SORCS3: variants seen among roughly 807,000 people sequenced by gnomAD.
SORCS3 encodes VPS10 domain-containing receptor SorCS3.
In SORCS3, 57 loss-of-function variants were observed where a neutral mutation model predicts 146.3. The observed-to-expected ratio is 0.39, with a 90% CI of 0.31 to 0.49. The LOEUF is 0.49. Ranked by LOEUF, SORCS3 falls within the 20% of genes least tolerant of loss-of-function variation. SORCS3 has a pLI of 0.92. For synonymous variants in SORCS3, 653 were observed against 618.5 expected (o/e 1.06, Z -0.83); for missense variants, 1,341 against 1,575.5 (o/e 0.85, Z 2.52).
At chr10:105,105,318 A>G in intron 6 of SORCS3, 79 bp from the exon 7 acceptor site, 1 of 804,322 alleles carries the variant, frequency 1.2e-6, no homozygotes, top group Non-Finnish European at 2.1e-6. Context: ...TCCCCCATGA[A>G]GTAGAGTTTT....
At chr10:104,713,181 A>C (rs2016438855) in intron 1 of SORCS3, among the ~76,000 whole-genome samples, 1 of 151,768 alleles carries the variant, frequency 6.6e-6, no homozygotes. Context: ...TATAAAATGA[A>C]ACTTCAAAGT....
At chr10:104,896,518 G>A (rs1332983085) in intron 2 of SORCS3, among the ~76,000 whole-genome samples, 1 of 152,250 alleles carries the variant, frequency 6.6e-6, no homozygotes, top group Non-Finnish European at 1.5e-5. Context: ...GAAAAGCGGA[G>A]TGTTGGTGCT....
At position 105,216,803 on chromosome 10, in the gene SORCS3, T is replaced by A. The variant is rs2056667774; in HGVS notation, c.2548-133T>A. Reference sequence around the variant, plus strand: ...GGATCAGATAGGAGTGTGATCATTGTGTTGCAGGTGTTTCAGCCCTTTGGG... The same window carrying A: ...GGATCAGATAGGAGTGTGATCATTGAGTTGCAGGTGTTTCAGCCCTTTGGG... On this transcript the variant is annotated intron_variant, in intron 18 of 26. Coordinates refer to ENST00000369701, the MANE Select transcript of SORCS3 (RefSeq NM_014978.3). 3 of 775,176 alleles carry A rather than the reference T, an allele frequency of 3.9e-6. No individual in the cohort carries two copies. The Admixed American group carries it at 6.5e-5, about 17-fold the overall frequency. The allele number at this position is 775,176 out of a possible 1,614,324, so 48.0% of individuals were successfully genotyped here.
intron 4 of SORCS3, among the ~76,000 whole-genome samples, chr10:105,013,046 T>C (rs1014548341): frequency 9.2e-5 from 14 of 152,188 alleles, no homozygotes; most frequent in African/African-American, 3.4e-4. Context: ...GAATGTAAGA[T>C]GTTAATGTTA....
intron 5 of SORCS3, among the ~76,000 whole-genome samples, chr10:105,089,114 A>T (rs1010406997): frequency 3.9e-5 from 6 of 152,126 alleles, no homozygotes; most frequent in African/African-American, 1.4e-4. Context: ...GTTTGTAGGG[A>T]TTCTCAGGCC....
chr10:104,860,182 G>A (rs1410694514), intron 2 of SORCS3, among the ~76,000 whole-genome samples: 7 of 113,122 alleles, frequency 6.2e-5, no homozygotes, highest in East Asian at 2.7e-4. Flanking sequence ...ATGTCCAACA[G>A]TGATAGACTG....
At chr10:105,167,137 T>C in intron 12 of SORCS3, 121 bp from the exon 13 acceptor site, 1 of 699,866 alleles carries the variant, frequency 1.4e-6, no homozygotes, top group South Asian at 2.0e-5. Context: ...AACTATCTGA[T>C]AGTGCTGTTG....
chr10:104,686,017 C>T (rs576376131), intron 1 of SORCS3, among the ~76,000 whole-genome samples: 1 of 152,188 alleles, frequency 6.6e-6, no homozygotes, highest in Admixed American at 6.5e-5. Flanking sequence ...ATCCTGCAGC[C>T]CTGGGGTGGG....
At chr10:105,074,998 C>G (rs1775025708) in intron 5 of SORCS3, among the ~76,000 whole-genome samples, 1 of 152,238 alleles carries the variant, frequency 6.6e-6, no homozygotes, top group African/African-American at 2.4e-5. Context: ...CATTATTAGC[C>G]TATAAATACA....
chr10:104,808,218 G>A (rs2017700896), intron 1 of SORCS3, among the ~76,000 whole-genome samples: 1 of 152,212 alleles, frequency 6.6e-6, no homozygotes, highest in Non-Finnish European at 1.5e-5. Flanking sequence ...GCTTTTGTGA[G>A]TTGGTGAAGG....
chr10:105,245,895 T>C (rs762745544), intron 21 of SORCS3, among the ~76,000 whole-genome samples: 3 of 152,122 alleles, frequency 2.0e-5, no homozygotes, highest in Admixed American at 6.5e-5. Flanking sequence ...TCAGAACTTG[T>C]TTGGGGTTCT....
intron 1 of SORCS3, among the ~76,000 whole-genome samples, chr10:104,661,672 T>G (rs373832215): frequency 6.6e-6 from 1 of 151,678 alleles, no homozygotes; most frequent in African/African-American, 2.4e-5. Flanking sequence ...GATTTGGGAA[T>G]ATAGATAGAT....
chr10:104,703,840 G>T (rs2016307797), intron 1 of SORCS3, among the ~76,000 whole-genome samples: 1 of 151,900 alleles, frequency 6.6e-6, no homozygotes, highest in African/African-American at 2.4e-5. Flanking sequence ...CAAACCTGAG[G>T]AGATTACCAT....
chr10:104,922,711 G>A (rs776233697), intron 3 of SORCS3, among the ~76,000 whole-genome samples: 1 of 152,140 alleles, frequency 6.6e-6, no homozygotes, highest in Admixed American at 6.5e-5. Flanking sequence ...CAGGGTTTGG[G>A]GGCTAACAGG....
chr10:104,922,637 A>G (rs970637492), intron 3 of SORCS3, among the ~76,000 whole-genome samples: 1 of 152,180 alleles, frequency 6.6e-6, no homozygotes, highest in Non-Finnish European at 1.5e-5. Context: ...AGTTTTAAAG[A>G]TATTTTTCTA....
chr10:105,161,246 G>A (rs2056259742), intron 11 of SORCS3, among the ~76,000 whole-genome samples: 2 of 152,164 alleles, frequency 1.3e-5, no homozygotes, highest in African/African-American at 4.8e-5. Flanking sequence ...CTAAGTCACT[G>A]GCGCGTGCCT....
intron 16 of SORCS3, among the ~76,000 whole-genome samples, chr10:105,205,597 G>A (rs914303547): frequency 2.3e-4 from 35 of 152,242 alleles, no homozygotes; most frequent in African/African-American, 6.0e-4. Context: ...AAAGTCACAC[G>A]AGGGCTCTTG....
chr10:105,083,454 G>C (rs1430338997), intron 5 of SORCS3, among the ~76,000 whole-genome samples: 5 of 152,206 alleles, frequency 3.3e-5, no homozygotes, highest in Non-Finnish European at 7.4e-5. Context: ...GAGGGAAGAG[G>C]TGCCAGGGGC....
At chr10:105,077,565 CAG>C (rs879776848) in intron 5 of SORCS3, among the ~76,000 whole-genome samples, 3,546 of 29,186 alleles carry the variant, frequency 0.12, 119 homozygotes, top group African/African-American at 0.19. Context: ...CACACACACA[CAG>C]AGGGATGGTA....
Sources: gnomAD v4.1 joint callset for allele counts (sites outside exome capture counted in the v4.1 genomes callset) on GRCh38, gnomAD v4.1.1 for gene constraint, MANE v1.5 for transcripts, NCBI Gene and HGNC (gene_info 2026-07-23, HGNC 2026-07-21) for gene names.